SORCS1: variants seen among roughly 807,000 people sequenced by gnomAD.
SORCS1 encodes VPS10 domain-containing receptor SorCS1.
A neutral mutation model predicts 146.1 loss-of-function variants in SORCS1; 60 were observed. The ratio of observed to expected loss-of-function variants is 0.41; its 90% CI spans 0.33 to 0.51. The LOEUF is 0.51. Ranked by LOEUF, SORCS1 falls within the 20% of genes least tolerant of loss-of-function variation. The pLI is 0.21. For missense variants in SORCS1, 1,352 were observed against 1,487.6 expected (o/e 0.91, Z 1.50); for synonymous variants, 637 against 584.0 (o/e 1.09, Z -1.31).
At chr10:106,916,682 C>T (rs1952449520) in intron 2 of SORCS1, among the ~76,000 whole-genome samples, 1 of 150,006 alleles carries the variant, frequency 6.7e-6, no homozygotes, top group Admixed American at 6.7e-5. Context: ...ATATATATTT[C>T]CATTAAAGAT....
intron 16 of SORCS1, among the ~76,000 whole-genome samples, chr10:106,668,800 G>C (rs1030638138): frequency 6.6e-5 from 10 of 152,186 alleles, no homozygotes; most frequent in African/African-American, 2.2e-4. Flanking sequence ...ACCAGTGTTT[G>C]CTTCAGGAAG....
At chr10:106,752,488 G>A (rs1231612674) in intron 5 of SORCS1, among the ~76,000 whole-genome samples, 1 of 152,136 alleles carries the variant, frequency 6.6e-6, no homozygotes, top group Non-Finnish European at 1.5e-5. Flanking sequence ...CAGATCCATA[G>A]ACTTACTAGT....
At chr10:106,675,999 G>T (rs527612568) in intron 13 of SORCS1, among the ~76,000 whole-genome samples, 2 of 152,206 alleles carry the variant, frequency 1.3e-5, no homozygotes, top group South Asian at 4.1e-4. Flanking sequence ...ATTAATTTCC[G>T]TTGTTTATAA....
intron 1 of SORCS1, among the ~76,000 whole-genome samples, chr10:107,035,735 A>G (rs985156001): frequency 6.6e-6 from 1 of 152,128 alleles, no homozygotes; most frequent in African/African-American, 2.4e-5. Flanking sequence ...TCATTAAATC[A>G]CTAATGTGTT....
intron 2 of SORCS1, among the ~76,000 whole-genome samples, chr10:106,907,941 C>T (rs538867573): frequency 3.3e-5 from 5 of 152,016 alleles, no homozygotes; most frequent in South Asian, 4.2e-4. Flanking sequence ...TCTATTAATA[C>T]TGAAATTACT....
intron 1 of SORCS1, among the ~76,000 whole-genome samples, chr10:106,985,598 C>T (rs1375938116): frequency 2.7e-5 from 4 of 149,908 alleles, no homozygotes; most frequent in African/African-American, 4.9e-5. Flanking sequence ...TGCAGTGGCA[C>T]GATCTTGGCT....
intron 2 of SORCS1, among the ~76,000 whole-genome samples, chr10:106,930,246 CACCCCA>C (rs1326380168): frequency 6.6e-6 from 1 of 151,700 alleles, no homozygotes; most frequent in Non-Finnish European, 1.5e-5. Flanking sequence ...CGTGCCACTG[CACCCCA>C]GCCTGGGCGA....
intron 2 of SORCS1, among the ~76,000 whole-genome samples, chr10:106,894,037 T>A (rs1047104456): frequency 2.0e-5 from 3 of 152,124 alleles, no homozygotes; most frequent in Non-Finnish European, 4.4e-5. Flanking sequence ...AGAAAAAAAA[T>A]ACAAATTAGG....
chr10:106,869,687 T>G (rs1314317316), intron 2 of SORCS1, among the ~76,000 whole-genome samples: 3 of 152,132 alleles, frequency 2.0e-5, no homozygotes, highest in Non-Finnish European at 4.4e-5. Context: ...TGAAGGAACA[T>G]ACCTCAAAAT....
chr10:106,600,398 G>A, intron 23 of SORCS1: 17 of 979,368 alleles, frequency 1.7e-5, no homozygotes, highest in South Asian at 1.4e-4. Context: ...TGCTTTGTGA[G>A]AAAAAATTTG....
intron 6 of SORCS1, among the ~76,000 whole-genome samples, chr10:106,710,408 A>G (rs1322176597): frequency 7.0e-6 from 1 of 143,340 alleles, no homozygotes; most frequent in Non-Finnish European, 1.5e-5. Context: ...AGATCACGCC[A>G]CTGCACTCCA....
At chr10:107,130,167 C>G (rs747293217) in intron 1 of SORCS1, among the ~76,000 whole-genome samples, 1 of 152,202 alleles carries the variant, frequency 6.6e-6, no homozygotes, top group Non-Finnish European at 1.5e-5. Flanking sequence ...AGAACCCAAA[C>G]TTTCTCAGTC....
At chr10:106,707,208 G>A (rs1854598696) in intron 7 of SORCS1, among the ~76,000 whole-genome samples, 1 of 145,552 alleles carries the variant, frequency 6.9e-6, no homozygotes, top group African/African-American at 2.6e-5. Flanking sequence ...TTTTTTTTGA[G>A]ATGAAGTTTC....
chr10:106,991,381 A>C (rs1047789108), intron 1 of SORCS1, among the ~76,000 whole-genome samples: 6 of 152,230 alleles, frequency 3.9e-5, no homozygotes, highest in African/African-American at 1.4e-4. Context: ...CAAATAAATG[A>C]AACTAAAACA....
chr10:106,826,686 G>A (rs1028377671), intron 3 of SORCS1, among the ~76,000 whole-genome samples: 7 of 152,078 alleles, frequency 4.6e-5, no homozygotes, highest in Non-Finnish European at 8.8e-5. Context: ...TTGTTAAGAC[G>A]TTCATCGTCC....
At chr10:106,833,211 C>T (rs1415879721) in intron 2 of SORCS1, among the ~76,000 whole-genome samples, 1 of 152,126 alleles carries the variant, frequency 6.6e-6, no homozygotes, top group Admixed American at 6.6e-5. Context: ...TTTTTTGGTG[C>T]CATCACTTGT....
At chr10:106,974,884 C>T (rs1325894251) in intron 1 of SORCS1, among the ~76,000 whole-genome samples, 1 of 152,156 alleles carries the variant, frequency 6.6e-6, no homozygotes, top group African/African-American at 2.4e-5. Context: ...TAAACTACCT[C>T]ACATGACAAA....
chr10:107,115,998 T>C (rs1169899332), intron 1 of SORCS1, among the ~76,000 whole-genome samples: 1 of 152,004 alleles, frequency 6.6e-6, no homozygotes, highest in Non-Finnish European at 1.5e-5. Flanking sequence ...TATGTTTTCT[T>C]TGAAAAATAT....
At chr10:107,054,353 T>C (rs867666235) in intron 1 of SORCS1, among the ~76,000 whole-genome samples, 3 of 152,272 alleles carry the variant, frequency 2.0e-5, no homozygotes, top group South Asian at 2.1e-4. Flanking sequence ...AAAAGGTATA[T>C]GTAATAATTG....
Sources: gnomAD v4.1 joint callset for allele counts (sites outside exome capture counted in the v4.1 genomes callset) on GRCh38, gnomAD v4.1.1 for gene constraint, MANE v1.5 for transcripts, NCBI Gene and HGNC (gene_info 2026-07-23, HGNC 2026-07-21) for gene names.